Variants in BYSL observed in about 807,000 individuals in gnomAD.
BYSL encodes bystin.
Under a neutral mutation model 45.4 loss-of-function variants are expected in BYSL, and 21 were observed. The ratio of observed to expected loss-of-function variants is 0.46; its 90% CI spans 0.33 to 0.67. The LOEUF is 0.67. Among genes scored for constraint, BYSL ranks in the 30% least tolerant of loss-of-function variants. The pLI, the probability that BYSL is intolerant of heterozygous loss-of-function variation, is 0.02. For synonymous variants in BYSL, 215 were observed against 231.3 expected (o/e 0.93, Z 0.64); for missense variants, 522 against 578.5 (o/e 0.90, Z 1.00).
At chr6:41,931,938 G>T in intron 6 of BYSL, 108 bp downstream of exon 6, 3 of 1,091,972 alleles carry the variant, frequency 2.7e-6, no homozygotes, top group Non-Finnish European at 4.2e-6. Flanking sequence ...AAAGCCTTGG[G>T]TTTGTGCTTG....
upstream of BYSL, chr6:41,916,961 C>T (rs1476523545): frequency 6.2e-7 from 1 of 1,613,164 alleles, no homozygotes; most frequent in Admixed American, 1.7e-5. Context: ...AGCACCAAAT[C>T]GTCAGTTATC....
upstream of BYSL, chr6:41,916,683 AGAATACCACC>A (rs2127380060): frequency 2.1e-6 from 3 of 1,436,416 alleles, no homozygotes; most frequent in East Asian, 6.9e-5. Flanking sequence ...CACATGTTTA[AGAATACCACC>A]TTTAGCAGAA....
the BYSL span, among the ~76,000 whole-genome samples, chr6:41,911,094 G>A: frequency 2.1e-5 from 3 of 145,356 alleles, no homozygotes; most frequent in Admixed American, 6.8e-5. Flanking sequence ...GGGTGACAGC[G>A]AGACTCCATC....
At chr6:41,927,685 C>CA (rs1775583116) in intron 2 of BYSL, 149 bp downstream of exon 2, 1 of 871,396 alleles carries the variant, frequency 1.1e-6, no homozygotes. Flanking sequence ...GGCCCATCCT[C>CA]AAAGGACCAC....
At chr6:41,925,921 T>A (rs1775558086) in intron 1 of BYSL, among the ~76,000 whole-genome samples, 1 of 151,994 alleles carries the variant, frequency 6.6e-6, no homozygotes, top group Non-Finnish European at 1.5e-5. Flanking sequence ...CCCAATCTCA[T>A]GATCCACCCG....
chr6:41,930,830 C>T (rs1775628641), intron 4 of BYSL, 62 bp downstream of exon 4: 4 of 1,550,236 alleles, frequency 2.6e-6, no homozygotes, highest in Non-Finnish European at 2.6e-6. Context: ...TTGGGACGGA[C>T]AGGCTTTCCT....
chr6:41,909,228 C>T, the BYSL span: 3 of 1,589,794 alleles, frequency 1.9e-6, no homozygotes, highest in Non-Finnish European at 2.6e-6. Flanking sequence ...GCTAAGCAGC[C>T]CCCTCAGAAC....
At chr6:41,927,287 C>T in intron 1 of BYSL, 87 bp from the exon 2 acceptor site, 6 of 1,500,844 alleles carry the variant, frequency 4.0e-6, no homozygotes, top group Non-Finnish European at 4.6e-6. Flanking sequence ...CATGTGAGGC[C>T]TGTACTACAT....
At chr6:41,912,206 T>C in the BYSL span, among the ~76,000 whole-genome samples, 2 of 146,798 alleles carry the variant, frequency 1.4e-5, no homozygotes, top group African/African-American at 5.1e-5. Context: ...CACCTTTTTT[T>C]TTTTTTTTTT....
chr6:41,923,273 C>T (rs940391907), intron 1 of BYSL, among the ~76,000 whole-genome samples: 22 of 151,834 alleles, frequency 1.4e-4, no homozygotes, highest in Non-Finnish European at 2.8e-4. Flanking sequence ...TCCCACGTAG[C>T]TGGGACCACA....
the BYSL span, chr6:41,909,592 C>A: frequency 6.4e-7 from 1 of 1,574,626 alleles, no homozygotes. Context: ...AGTCAAATGA[C>A]TCCCCCCGGA....
chr6:41,909,827 G>A, the BYSL span, among the ~76,000 whole-genome samples: 2 of 152,288 alleles, frequency 1.3e-5, no homozygotes, highest in African/African-American at 4.8e-5. Context: ...CTCACAGATG[G>A]TCTACATGTA....
chr6:41,930,806 G>A (rs1302322183), intron 4 of BYSL, 38 bp downstream of exon 4: 2 of 1,590,858 alleles, frequency 1.3e-6, no homozygotes, highest in Middle Eastern at 2.0e-4. Context: ...TGGGTTTATA[G>A]GTGCAGGCTG....
At chr6:41,916,786 T>C (rs1775325212), upstream of BYSL, 1 of 1,613,958 alleles carries the variant, frequency 6.2e-7, no homozygotes, top group Non-Finnish European at 8.5e-7. Context: ...CTCACTGACC[T>C]TGGCTGCCAA....
At chr6:41,927,291 AC>A in intron 1 of BYSL, 82 bp from the exon 2 acceptor site, 1 of 1,524,868 alleles carries the variant, frequency 6.6e-7, no homozygotes, top group Non-Finnish European at 9.0e-7. Flanking sequence ...TGAGGCCTGT[AC>A]TACATAATGG....
upstream of BYSL, among the ~76,000 whole-genome samples, chr6:41,919,916 A>C (rs1775416130): frequency 6.6e-6 from 1 of 152,226 alleles, no homozygotes; most frequent in African/African-American, 2.4e-5. Context: ...GAAACCTGCA[A>C]GAACCTGGGC....
upstream of BYSL, chr6:41,920,977 C>G (rs1480537982): frequency 6.2e-7 from 1 of 1,606,952 alleles, no homozygotes; most frequent in South Asian, 1.1e-5. Flanking sequence ...CTCCAAGCCC[C>G]GCCCCACAAA....
chr6:41,923,311 C>CT (rs35517592), intron 1 of BYSL, among the ~76,000 whole-genome samples: 35,807 of 138,736 alleles, frequency 0.26, 4,955 homozygotes, highest in African/African-American at 0.36. Flanking sequence ...CCAACTAATT[C>CT]TTTTTTTTTT....
Position 41,921,790 on chromosome 6 carries a change from G to T in BYSL, c.228G>T (p.Gly76=), listed in dbSNP as rs757887659. Residue 76 remains glycine (G), a synonymous_variant, in exon 1 of 7, where the codon GGG becomes GGT. Coordinates refer to ENST00000230340, the MANE Select transcript of BYSL (RefSeq NM_004053.4). ...AACTCGAGGCCGAGCATGGGACTGGGGACAAGCCCGCGGCGCCGCGGGAAC... is the reference window on the plus strand; with the variant it reads ...AACTCGAGGCCGAGCATGGGACTGGTGACAAGCCCGCGGCGCCGCGGGAAC... ...QEELEAEHGT[G]DKPAAPRERT... is the part of the protein sequence containing the mutation. 27 of 1,612,716 alleles carry T rather than the reference G, an allele frequency of 1.7e-5. 2 individuals carry two copies. The South Asian group carries it at 3.0e-4, about 18-fold the overall frequency.
Sources: allele counts gnomAD v4.1 joint callset (sites outside exome capture counted in the v4.1 genomes callset), GRCh38; gene constraint gnomAD v4.1.1; transcripts MANE v1.5; gene names NCBI Gene and HGNC (gene_info 2026-07-23, HGNC 2026-07-21).